The following GBE1 variants were observed in gnomAD, a reference collection of about 807,000 sequenced individuals.
The protein encoded by GBE1 is 1,4-alpha-glucan branching enzyme 1.
In GBE1, 70 loss-of-function variants were observed where a neutral mutation model predicts 88.8. The observed-to-expected ratio is 0.79, with a 90% confidence interval of 0.65 to 0.96. The LOEUF is 0.96. Among genes scored for constraint, GBE1 ranks in the 40% least tolerant of loss-of-function variants. The pLI, the probability that GBE1 is intolerant of heterozygous loss-of-function variation, is 0.00. For synonymous variants in GBE1, 284 were observed against 300.1 expected (o/e 0.95, Z 0.56); for missense variants, 872 against 871.0 (o/e 1.00, Z -0.01).
chr3:81,675,798 C>A (rs903816298), intron 2 of GBE1, among the ~76,000 whole-genome samples: 22 of 152,064 alleles, frequency 1.4e-4, no homozygotes, highest in Middle Eastern at 3.4e-3. Flanking sequence ...GTTTCCTATA[C>A]GCATAAATTA....
chr3:81,739,699 G>A (rs1258135531), intron 1 of GBE1, among the ~76,000 whole-genome samples: 1 of 152,048 alleles, frequency 6.6e-6, no homozygotes, highest in Admixed American at 6.6e-5. Flanking sequence ...TTTATTGAGA[G>A]GTTTCATTAC....
At chr3:81,609,177 G>A (rs1325248566) in intron 7 of GBE1, among the ~76,000 whole-genome samples, 1 of 152,058 alleles carries the variant, frequency 6.6e-6, no homozygotes, top group East Asian at 1.9e-4. Flanking sequence ...AGAAAAAAGG[G>A]GAATGAAAGT....
chr3:81,723,951 C>T (rs1428093615), intron 1 of GBE1, among the ~76,000 whole-genome samples: 1 of 152,186 alleles, frequency 6.6e-6, no homozygotes, highest in Non-Finnish European at 1.5e-5. Context: ...AGCTTTGGTC[C>T]TGTGTTTGCT....
intron 4 of GBE1, among the ~76,000 whole-genome samples, chr3:81,649,352 A>G (rs913291010): frequency 6.6e-6 from 1 of 152,120 alleles, no homozygotes; most frequent in African/African-American, 2.4e-5. Context: ...AGTTCAAACA[A>G]TCACAGAACA....
intron 2 of GBE1, among the ~76,000 whole-genome samples, chr3:81,693,940 T>C (rs796546421): frequency 2.2e-4 from 34 of 152,296 alleles, no homozygotes; most frequent in African/African-American, 7.7e-4. Flanking sequence ...AGAGTTTAGA[T>C]GTATTGGTAA....
intron 3 of GBE1, among the ~76,000 whole-genome samples, chr3:81,654,294 A>G (rs1337301474): frequency 6.6e-6 from 1 of 152,022 alleles, no homozygotes. Context: ...TACACAATAT[A>G]AAAAACAGTA....
chr3:81,533,365 A>G (rs538420534), intron 14 of GBE1, among the ~76,000 whole-genome samples: 1 of 152,228 alleles, frequency 6.6e-6, no homozygotes, highest in East Asian at 1.9e-4. Flanking sequence ...AGGCATAAAG[A>G]GACAGACAAC....
chr3:81,575,998 G>A (rs1703643596), intron 12 of GBE1, among the ~76,000 whole-genome samples: 1 of 152,008 alleles, frequency 6.6e-6, no homozygotes, highest in African/African-American at 2.4e-5. Flanking sequence ...CCTCACAAGT[G>A]ACAAATCTTA....
At chr3:81,679,257 G>A (rs561094880) in intron 2 of GBE1, among the ~76,000 whole-genome samples, 31 of 152,260 alleles carry the variant, frequency 2.0e-4, no homozygotes, top group Middle Eastern at 3.4e-3. Context: ...ATAAAGCACA[G>A]GGCATAAGGT....
intron 14 of GBE1, among the ~76,000 whole-genome samples, chr3:81,524,831 T>C (rs1222806731): frequency 6.6e-6 from 1 of 151,962 alleles, no homozygotes; most frequent in Non-Finnish European, 1.5e-5. Flanking sequence ...TAATTTGAAG[T>C]CAGGTAATGT....
chr3:81,663,406 G>A (rs1705058400), intron 3 of GBE1, among the ~76,000 whole-genome samples: 1 of 152,118 alleles, frequency 6.6e-6, no homozygotes, highest in African/African-American at 2.4e-5. Context: ...CATGCCCGCA[G>A]GCCATATACT....
chr3:81,651,565 TAAA>T (rs527974130), intron 3 of GBE1, among the ~76,000 whole-genome samples: 9 of 148,410 alleles, frequency 6.1e-5, no homozygotes, highest in Non-Finnish European at 9.0e-5. Context: ...ATTTTAAGCT[TAAA>T]AAAAAAACTC....
chr3:81,563,195 T>G (rs1464068036), intron 12 of GBE1, among the ~76,000 whole-genome samples: 1 of 152,126 alleles, frequency 6.6e-6, no homozygotes, highest in Non-Finnish European at 1.5e-5. Context: ...TCAATTCTTT[T>G]TGGAAAGAAG....
chr3:81,740,225 A>AAAT (rs1452157459), intron 1 of GBE1, among the ~76,000 whole-genome samples: 1 of 152,050 alleles, frequency 6.6e-6, no homozygotes, highest in Non-Finnish European at 1.5e-5. Context: ...ACCCTTTCTC[A>AAAT]AATAATAATA....
At chr3:81,651,467 A>G (rs1576185911) in intron 3 of GBE1, among the ~76,000 whole-genome samples, 1 of 152,136 alleles carries the variant, frequency 6.6e-6, no homozygotes, top group Non-Finnish European at 1.5e-5. Context: ...TATGCCTCCC[A>G]CCTATTAAAG....
At chr3:81,597,502 T>C (rs1297184505) in intron 7 of GBE1, among the ~76,000 whole-genome samples, 1 of 146,552 alleles carries the variant, frequency 6.8e-6, no homozygotes, top group Non-Finnish European at 1.5e-5. Flanking sequence ...TATATATATA[T>C]ATATCTCATT....
intron 12 of GBE1, among the ~76,000 whole-genome samples, chr3:81,557,168 C>A (rs1703359763): frequency 6.6e-6 from 1 of 152,000 alleles, no homozygotes; most frequent in African/African-American, 2.4e-5. Context: ...AACTTTTAAC[C>A]ATTAATTTTT....
chr3:81,609,521 T>G (rs1704144708), intron 7 of GBE1, among the ~76,000 whole-genome samples: 1 of 152,156 alleles, frequency 6.6e-6, no homozygotes, highest in Non-Finnish European at 1.5e-5. Flanking sequence ...ACTTCTAAAA[T>G]CTTATTTTCT....
intron 8 of GBE1, 138 bp from the exon 9 acceptor site, chr3:81,591,302 A>T: frequency 3.6e-6 from 2 of 563,094 alleles, no homozygotes; most frequent in Non-Finnish European, 5.8e-6. Flanking sequence ...CAGCAAATAT[A>T]CTGACTTAGA....
Sources: gnomAD v4.1 joint callset for allele counts (sites outside exome capture counted in the v4.1 genomes callset) on GRCh38, gnomAD v4.1.1 for gene constraint, MANE v1.5 for transcripts, NCBI Gene and HGNC (gene_info 2026-07-23, HGNC 2026-07-21) for gene names.